USP46: variants seen among roughly 807,000 people sequenced by gnomAD.
USP46 encodes ubiquitin carboxyl-terminal hydrolase 46.
Under a neutral mutation model 44.4 loss-of-function variants are expected in USP46, and 12 were observed. The observed-to-expected ratio is 0.27, with a 90% CI of 0.17 to 0.44. USP46 has a LOEUF of 0.44. USP46 is among the 20% of genes least tolerant of loss of function. The pLI, the probability that USP46 is intolerant of heterozygous loss-of-function variation, is 1.00. For synonymous variants in USP46, 155 were observed against 161.5 expected, an observed-to-expected ratio of 0.96 and a Z score of 0.31; for missense variants, 248 against 444.8, an observed-to-expected ratio of 0.56 and a Z score of 3.98.
intron 1 of USP46, among the ~76,000 whole-genome samples, chr4:52,635,080 C>CTTT (rs74931782): frequency 7.4e-6 from 1 of 135,406 alleles, no homozygotes; most frequent in Non-Finnish European, 1.6e-5. Flanking sequence ...TCTACTTCTT[C>CTTT]TTTTTTTTTT....
At chr4:52,629,714 C>T (rs745720256) in intron 2 of USP46, 6 of 456,092 alleles carry the variant, frequency 1.3e-5, no homozygotes, top group Middle Eastern at 3.2e-4. Flanking sequence ...GAACATTTAC[C>T]GAGTGTCCAC....
At chr4:52,626,895 T>A (rs1487634944) in intron 3 of USP46, among the ~76,000 whole-genome samples, 1 of 152,232 alleles carries the variant, frequency 6.6e-6, no homozygotes, top group East Asian at 1.9e-4. Context: ...TAACTACCAA[T>A]GATCAATTAA....
At chr4:52,622,052 C>T (rs557939193) in intron 4 of USP46, among the ~76,000 whole-genome samples, 1 of 152,208 alleles carries the variant, frequency 6.6e-6, no homozygotes, top group African/African-American at 2.4e-5. Flanking sequence ...CATAAACATG[C>T]AGAACTAAGT....
rs1717662468 is a variant in USP46 at position 52,628,090 on chromosome 4, A to G, written c.191T>C (p.Leu64Ser). The G allele has an allele frequency of 6.2e-7, 1 of 1,613,862 alleles. No homozygotes were observed. The highest frequency in any genetic ancestry group is 1.3e-5 in the African/African-American group (1 of 74,924). Residue 64 changes from leucine (L) to serine (S), a missense_variant, in exon 3 of 9, where the codon TTG (leucine) becomes TCG (serine). By Grantham distance (145) the Leu-to-Ser change is moderately radical. Around this residue, in one of 5 missense-constraint regions of USP46, gnomAD observed 54 missense variants for 135.0 expected, o/e 0.40. Coordinates refer to ENST00000441222, the MANE Select transcript of USP46 (RefSeq NM_022832.4). ...YFCRPFRENV[L>S]AYKAQQKKKE... ...CTTCTTTTGCTGGGCCTTGTATGCCAACACATTCTCCCGGAATGGACGGCA... is the reference window on the plus strand; with the variant it reads ...CTTCTTTTGCTGGGCCTTGTATGCCGACACATTCTCCCGGAATGGACGGCA...
At chr4:52,644,637 C>A (rs1011247182) in intron 1 of USP46, among the ~76,000 whole-genome samples, 1 of 151,786 alleles carries the variant, frequency 6.6e-6, no homozygotes, top group African/African-American at 2.4e-5. Flanking sequence ...ATCCCAAAAC[C>A]ATCCCCAGCT....
chr4:52,597,563 A>G lies in USP46; in HGVS notation c.*77T>C. The G allele has an allele frequency of 1.0e-6, 1 of 978,464 alleles. No individual in the cohort carries two copies. Among genetic ancestry groups the G allele is most frequent in the Non-Finnish European group, 1.6e-6 (1 of 639,922 alleles). 60.6% of individuals were successfully genotyped at this position (978,464 alleles called of 1,614,324 possible). A position where few individuals can be genotyped will look rare whatever the true frequency, so the allele number is the denominator to read the frequency against. On this transcript the variant is annotated 3_prime_UTR_variant, in exon 9 of 9. Coordinates refer to ENST00000441222, the MANE Select transcript of USP46 (RefSeq NM_022832.4). ...TACCATTAGTGGGCCACTGGGGAAG[A>G]GGAAAGCCTGCGGAGAAGCCGGGTG...
chr4:52,656,305 A>C (rs565018789), intron 1 of USP46: 2 of 1,551,478 alleles, frequency 1.3e-6, no homozygotes, highest in Admixed American at 3.9e-5. Flanking sequence ...CCTGAAAACA[A>C]TTCATTATTG....
chr4:52,640,673 G>A (rs1416694426), intron 1 of USP46, among the ~76,000 whole-genome samples: 1 of 151,724 alleles, frequency 6.6e-6, no homozygotes, highest in Non-Finnish European at 1.5e-5. Flanking sequence ...AGGCATGGTG[G>A]CACATGCCTG....
chr4:52,635,082 T>TC (rs1228541809), intron 1 of USP46, among the ~76,000 whole-genome samples: 3 of 143,892 alleles, frequency 2.1e-5, no homozygotes, highest in South Asian at 2.1e-4. Flanking sequence ...TACTTCTTCT[T>TC]TTTTTTTTTT....
chr4:52,613,032 G>A (rs1481052890), intron 4 of USP46, among the ~76,000 whole-genome samples: 2 of 152,162 alleles, frequency 1.3e-5, no homozygotes, highest in Admixed American at 6.5e-5. Flanking sequence ...AAAACTAAAA[G>A]CAGCTACCTG....
chr4:52,603,171 A>G (rs190411061), intron 6 of USP46, among the ~76,000 whole-genome samples: 2,322 of 152,366 alleles, frequency 0.015, 105 homozygotes, highest in Admixed American at 0.1. Flanking sequence ...GGAACACATG[A>G]CATTGCAATA....
chr4:52,651,963 T>C (rs1718785010), intron 1 of USP46, among the ~76,000 whole-genome samples: 1 of 152,184 alleles, frequency 6.6e-6, no homozygotes, highest in Non-Finnish European at 1.5e-5. Context: ...TTCCAATCCA[T>C]CCCTACCTTT....
At chr4:52,635,080 CTT>C (rs74931782) in intron 1 of USP46, among the ~76,000 whole-genome samples, 79 of 135,288 alleles carry the variant, frequency 5.8e-4, no homozygotes, top group Admixed American at 8.3e-4. Flanking sequence ...TCTACTTCTT[CTT>C]TTTTTTTTTT....
intron 1 of USP46, chr4:52,651,176 T>C (rs1019112478): frequency 1.3e-5 from 2 of 152,150 alleles, no homozygotes; most frequent in Non-Finnish European, 2.9e-5. Flanking sequence ...ATTCATTTTT[T>C]TAAAAACTTT....
intron 4 of USP46, among the ~76,000 whole-genome samples, chr4:52,619,830 G>T (rs1053100564): frequency 5.9e-5 from 9 of 152,160 alleles, no homozygotes; most frequent in Non-Finnish European, 1.3e-4. Flanking sequence ...AAGATTAAAT[G>T]ACTGCTAGGA....
At chr4:52,630,179 C>G (rs957282677) in intron 2 of USP46, among the ~76,000 whole-genome samples, 2 of 152,178 alleles carry the variant, frequency 1.3e-5, no homozygotes, top group African/African-American at 2.4e-5. Flanking sequence ...GTTACTACTC[C>G]GTTATCATTA....
intron 5 of USP46, among the ~76,000 whole-genome samples, chr4:52,605,734 C>A (rs1716663790): frequency 6.6e-6 from 1 of 152,210 alleles, no homozygotes; most frequent in Admixed American, 6.5e-5. Flanking sequence ...GCAGCTTCAA[C>A]AGAAAGCATT....
intron 1 of USP46, among the ~76,000 whole-genome samples, chr4:52,651,957 A>T (rs545372108): frequency 1.3e-5 from 2 of 152,242 alleles, no homozygotes; most frequent in Non-Finnish European, 2.9e-5. Flanking sequence ...TGCATCTTCC[A>T]ATCCATCCCT....
chr4:52,652,779 T>C (rs1718812734), intron 1 of USP46, among the ~76,000 whole-genome samples: 1 of 152,060 alleles, frequency 6.6e-6, no homozygotes, highest in African/African-American at 2.4e-5. Flanking sequence ...GGAGAGGCAA[T>C]GAGATCAGGA....
Sources: allele counts gnomAD v4.1 joint callset (sites outside exome capture counted in the v4.1 genomes callset), GRCh38; gene constraint gnomAD v4.1.1; regional missense constraint gnomAD v4.1.1; transcripts MANE v1.5; gene names NCBI Gene and HGNC (gene_info 2026-07-23, HGNC 2026-07-21).